NETO1: variants seen among roughly 807,000 people sequenced by gnomAD.
NETO1 encodes the protein neuropilin and tolloid-like protein 1.
A neutral mutation model predicts 61.3 loss-of-function variants in NETO1; 26 were observed. The observed-to-expected ratio is 0.42, with a 90% CI of 0.31 to 0.59. The LOEUF is 0.59. Among genes scored for constraint, NETO1 ranks in the 20% least tolerant of loss-of-function variants. The pLI, the probability that NETO1 is intolerant of heterozygous loss-of-function variation, is 0.12. For missense variants in NETO1, 531 were observed against 662.8 expected, an observed-to-expected ratio of 0.80 and a Z score of 2.18; for synonymous variants, 225 against 225.8, an observed-to-expected ratio of 1.00 and a Z score of 0.03.
intron 4 of NETO1, 96 bp downstream of exon 4, chr18:72,858,730 C>G: frequency 8.3e-7 from 1 of 1,208,862 alleles, no homozygotes; most frequent in South Asian, 1.6e-5. Flanking sequence ...GGAACATTCT[C>G]TGAGAAAGTA....
chr18:72,836,168 C>G (rs2073742230), intron 4 of NETO1, among the ~76,000 whole-genome samples: 2 of 152,178 alleles, frequency 1.3e-5, no homozygotes, highest in African/African-American at 4.8e-5. Flanking sequence ...ACGTGCCCTG[C>G]TGCTTCTCAC....
rs73968913 is a variant in NETO1, at chr18:72,754,396, C to T, written c.982+1638G>A. Among the ~76,000 whole-genome samples, 952 of 151,864 alleles carry T rather than the reference C, an allele frequency of 6.3e-3. 13 individuals carry two copies. The highest frequency in any genetic ancestry group is 0.021 in the African/African-American group (869 of 41,446). ...CAATGTAAAGGCAAAGATTTTCAGA[C>T]TGGATAAAAAATAAGATACAAATAT... On this transcript the variant is annotated intron_variant, in intron 8 of 10. Transcript: ENST00000327305.
intron 4 of NETO1, among the ~76,000 whole-genome samples, chr18:72,813,391 G>T (rs970324784): frequency 2.6e-5 from 4 of 152,068 alleles, no homozygotes; most frequent in African/African-American, 9.7e-5. Flanking sequence ...ATTTTCCAAA[G>T]AAAATGAGTT....
At chr18:72,822,367 A>C (rs1312118990) in intron 4 of NETO1, among the ~76,000 whole-genome samples, 7 of 152,140 alleles carry the variant, frequency 4.6e-5, no homozygotes. Flanking sequence ...GAAAGCGGGC[A>C]CTGGGCGGCA....
chr18:72,814,938 A>AG (rs1187983178), intron 4 of NETO1, among the ~76,000 whole-genome samples: 1 of 151,982 alleles, frequency 6.6e-6, no homozygotes, highest in Non-Finnish European at 1.5e-5. Context: ...AAAGAAAAAA[A>AG]AATTTAAAAT....
intron 4 of NETO1, among the ~76,000 whole-genome samples, chr18:72,844,467 G>T (rs2074025959): frequency 6.6e-6 from 1 of 152,136 alleles, no homozygotes; most frequent in African/African-American, 2.4e-5. Flanking sequence ...AAAATTGTCT[G>T]TGAATCACTG....
intron 6 of NETO1, among the ~76,000 whole-genome samples, chr18:72,790,294 G>T (rs1015408750): frequency 2.0e-5 from 3 of 151,706 alleles, no homozygotes; most frequent in African/African-American, 7.3e-5. Context: ...ACATCACACC[G>T]TACCCCATAA....
At chr18:72,836,559 A>T (rs2073755196) in intron 4 of NETO1, among the ~76,000 whole-genome samples, 1 of 152,230 alleles carries the variant, frequency 6.6e-6, no homozygotes, top group South Asian at 2.1e-4. Flanking sequence ...TTATCTGATT[A>T]ATAAATGTAT....
At chr18:72,866,977 G>T in intron 1 of NETO1, 1 of 411,252 alleles carries the variant, frequency 2.4e-6, no homozygotes, top group East Asian at 3.7e-5. Context: ...TCTGCCGCAC[G>T]TGTCCATCCC....
intron 8 of NETO1, among the ~76,000 whole-genome samples, chr18:72,754,904 G>A (rs962474574): frequency 6.6e-6 from 1 of 152,120 alleles, no homozygotes; most frequent in East Asian, 1.9e-4. Flanking sequence ...TTCTTTTCAA[G>A]TGCACATGGG....
chr18:72,830,113 A>T lies in NETO1; in HGVS notation c.469+28713T>A, dbSNP rs1396428795. Among the ~76,000 whole-genome samples, 2 of 152,194 alleles carry T rather than the reference A, an allele frequency of 1.3e-5. No individual in the cohort carries two copies. Among genetic ancestry groups the T allele is most frequent in the Non-Finnish European group, 2.9e-5 (2 of 68,040 alleles). ...CCACATCTACCTATGTGGCTGAAAT[A>T]TGAAGGAAGTACTATAAAACCTATG... On this transcript the variant is annotated intron_variant, in intron 4 of 10. Coordinates refer to ENST00000327305, the MANE Select transcript of NETO1 (RefSeq NM_138966.5). The surrounding 1 kb of genome is among the most constrained non-coding windows in gnomAD (Gnocchi z 4.9).
rs2145717344 is a variant in NETO1, at chr18:72,867,658, C to A, written c.-367G>T. 1 of 156,046 alleles carries A rather than the reference C, an allele frequency of 6.4e-6. No individual in the cohort carries two copies. The allele number at this position is 156,046 out of a possible 1,614,324, so 9.7% of individuals were successfully genotyped here. A position where few individuals can be genotyped will look rare whatever the true frequency, so the allele number is the denominator to read the frequency against. On this transcript the variant is annotated 5_prime_UTR_variant, in exon 1 of 11. Transcript: ENST00000327305. ...TCGCCGCCGCGGGGTCGGGAGGACG[C>A]GGCGCGCGGGAGGCGGCGGTCGCAG...
chr18:72,784,256 A>G (rs2071837938), intron 6 of NETO1, among the ~76,000 whole-genome samples: 1 of 152,170 alleles, frequency 6.6e-6, no homozygotes, highest in Non-Finnish European at 1.5e-5. Context: ...TATTCCTGAT[A>G]CATTCTTGTT....
At chr18:72,816,839 C>T (rs1346745381) in intron 4 of NETO1, among the ~76,000 whole-genome samples, 2 of 152,148 alleles carry the variant, frequency 1.3e-5, no homozygotes, top group African/African-American at 4.8e-5. Context: ...AGTTGAAGAG[C>T]TGCACCAATT....
intron 3 of NETO1, among the ~76,000 whole-genome samples, chr18:72,860,208 C>T (rs1376933260): frequency 2.0e-5 from 3 of 152,190 alleles, no homozygotes; most frequent in African/African-American, 7.2e-5. Context: ...CAGCTGTTGC[C>T]TGAAGCCCTC....
intron 7 of NETO1, among the ~76,000 whole-genome samples, chr18:72,760,265 G>A (rs1340487988): frequency 6.6e-6 from 1 of 152,198 alleles, no homozygotes; most frequent in Non-Finnish European, 1.5e-5. Context: ...CACCTAGAAA[G>A]TAGACACTAC....
intron 4 of NETO1, among the ~76,000 whole-genome samples, chr18:72,823,775 G>A (rs867910357): frequency 3.9e-5 from 6 of 152,058 alleles, no homozygotes; most frequent in Admixed American, 6.5e-5. Context: ...TGTGTCCATC[G>A]AGCTTCACTG....
At chr18:72,823,332 A>G (rs1460129409) in intron 4 of NETO1, among the ~76,000 whole-genome samples, 1 of 152,132 alleles carries the variant, frequency 6.6e-6, no homozygotes, top group African/African-American at 2.4e-5. Flanking sequence ...AGTGGGTGGT[A>G]GGTAGGTAGT....
chr18:72,820,258 G>T (rs1014267115), intron 4 of NETO1, among the ~76,000 whole-genome samples: 4 of 152,124 alleles, frequency 2.6e-5, no homozygotes, highest in African/African-American at 9.7e-5. Context: ...AACAATAAAC[G>T]TATGCAGATA....
Sources: gnomAD v4.1 joint callset for allele counts (sites outside exome capture counted in the v4.1 genomes callset) on GRCh38, gnomAD v4.1.1 for gene constraint, Gnocchi (gnomAD v3.1) non-coding constraint, MANE v1.5 for transcripts, NCBI Gene and HGNC (gene_info 2026-07-23, HGNC 2026-07-21) for gene names.